The following PAK1 variants were observed in gnomAD, a reference collection of about 807,000 sequenced individuals.
PAK1 encodes the protein serine/threonine-protein kinase PAK 1.
Under a neutral mutation model 67.4 loss-of-function variants are expected in PAK1, and 29 were observed. The ratio of observed to expected loss-of-function variants is 0.43; its 90% CI spans 0.32 to 0.59. PAK1 has a LOEUF of 0.59. PAK1 is among the 20% of genes least tolerant of loss of function. The probability of loss-of-function intolerance (pLI) is 0.07; values close to 1 mark genes in which losing one functional copy is unlikely to be tolerated. For synonymous variants in PAK1, 223 were observed against 237.4 expected, an observed-to-expected ratio of 0.94 and a Z score of 0.56; for missense variants, 337 against 670.7, an observed-to-expected ratio of 0.50 and a Z score of 5.50.
At chr11:77,350,278 T>C (rs1388179205) in intron 8 of PAK1, among the ~76,000 whole-genome samples, 1 of 152,204 alleles carries the variant, frequency 6.6e-6, no homozygotes, top group African/African-American at 2.4e-5. Context: ...CTTTCAAACA[T>C]ACATGCTCCC....
intron 2 of PAK1, among the ~76,000 whole-genome samples, chr11:77,381,151 G>A (rs1336448174): frequency 7.3e-6 from 1 of 137,722 alleles, no homozygotes. Context: ...GTGTGTGTGT[G>A]TGTGTGTGTG....
rs547295126 is a variant in PAK1 at position 77,369,377 on chromosome 11, T to G, written c.477+4951A>C. 5.3e-5 allele frequency among the ~76,000 whole-genome samples: 8 copies of G among 151,594 alleles called. No individual in the cohort carries two copies. In the South Asian group the frequency reaches 1.7e-3, roughly 31 times the overall value. On this transcript the variant is annotated intron_variant, in intron 5 of 14. Coordinates refer to ENST00000356341, the MANE Select transcript of PAK1 (RefSeq NM_002576.5). Reference sequence around the variant, plus strand: ...GTCATTTATTCTCAAATTTTCTATCTTTTATATTTTATATTATTAATTCCC... The same window carrying G: ...GTCATTTATTCTCAAATTTTCTATCGTTTATATTTTATATTATTAATTCCC...
intron 1 of PAK1, among the ~76,000 whole-genome samples, chr11:77,463,316 T>C (rs1202408739): frequency 1.3e-5 from 2 of 152,092 alleles, no homozygotes; most frequent in Non-Finnish European, 2.9e-5. Flanking sequence ...AGAATCTAAA[T>C]AATGGGTATA....
chr11:77,413,937 C>T (rs539147887), intron 1 of PAK1, among the ~76,000 whole-genome samples: 9 of 152,278 alleles, frequency 5.9e-5, no homozygotes, highest in Admixed American at 4.6e-4. Context: ...ATCATAGCAA[C>T]TTATCTTACT....
Position 77,363,235 on chromosome 11 carries a change from G to A in PAK1, c.478-4218C>T, listed in dbSNP as rs78185609. 5.3e-4 allele frequency among the ~76,000 whole-genome samples: 81 copies of A among 152,242 alleles called. No homozygotes were observed. In the East Asian group the frequency reaches 0.015, roughly 28 times the overall value. On this transcript the variant is annotated intron_variant, in intron 5 of 14. Coordinates refer to ENST00000356341, the MANE Select transcript of PAK1 (RefSeq NM_002576.5). Reference sequence around the variant, plus strand: ...CTCAAGGCTCTGGGCAGCTCGGAATGATATAATGCAAACAGATTGAAAATG... The same window carrying A: ...CTCAAGGCTCTGGGCAGCTCGGAATAATATAATGCAAACAGATTGAAAATG...
the PAK1 span, among the ~76,000 whole-genome samples, chr11:77,502,246 C>G: frequency 2.0e-5 from 3 of 152,086 alleles, no homozygotes; most frequent in South Asian, 6.2e-4. Context: ...AAATATTTAT[C>G]CAGGAACTAC....
the PAK1 span, among the ~76,000 whole-genome samples, chr11:77,492,619 A>G: frequency 6.7e-6 from 1 of 149,252 alleles, no homozygotes; most frequent in Non-Finnish European, 1.5e-5. Flanking sequence ...ATAGCTCACT[A>G]TAACCTCAAA....
intron 1 of PAK1, among the ~76,000 whole-genome samples, chr11:77,421,839 T>A (rs1483731493): frequency 6.6e-6 from 1 of 152,122 alleles, no homozygotes; most frequent in African/African-American, 2.4e-5. Context: ...ATAAGAACAT[T>A]ATAATAATCA....
Position 77,432,186 on chromosome 11 carries a change from A to G in PAK1, c.-21-39645T>C, listed in dbSNP as rs534477994. On this transcript the variant is annotated intron_variant, in intron 1 of 14. Coordinates refer to ENST00000356341, the MANE Select transcript of PAK1 (RefSeq NM_002576.5). The stretch of plus-strand genomic sequence containing the variant: ...TACCCCATAATAACACAATAAAGGG[A>G]AAAAGCCATAGAATTATCTCTGTTG... Among the ~76,000 whole-genome samples the G allele has an allele frequency of 2.0e-5, 3 of 152,346 alleles. No individual in the cohort carries two copies. The South Asian group carries it at 6.2e-4, about 32-fold the overall frequency.
At chr11:77,410,672 A>C (rs552074737) in intron 1 of PAK1, among the ~76,000 whole-genome samples, 1 of 151,100 alleles carries the variant, frequency 6.6e-6, no homozygotes, top group South Asian at 2.1e-4. Flanking sequence ...GGAAGGGTGA[A>C]GGGGACGGCG....
At chr11:77,506,339 A>G in the PAK1 span, among the ~76,000 whole-genome samples, 4 of 152,186 alleles carry the variant, frequency 2.6e-5, no homozygotes, top group Non-Finnish European at 5.9e-5. Flanking sequence ...TAGGAAAGTA[A>G]GGCATAGAGA....
chr11:77,416,428 T>G (rs1318129514), intron 1 of PAK1, among the ~76,000 whole-genome samples: 2 of 152,132 alleles, frequency 1.3e-5, no homozygotes, highest in Non-Finnish European at 2.9e-5. Context: ...GTCTTTCACC[T>G]CTACATCTTG....
chr11:77,498,940 C>T, the PAK1 span, among the ~76,000 whole-genome samples: 1 of 151,794 alleles, frequency 6.6e-6, no homozygotes, highest in African/African-American at 2.4e-5. Context: ...ACCTTGTGAT[C>T]CACCCGCCTT....
chr11:77,516,838 C>CA, the PAK1 span, among the ~76,000 whole-genome samples: 52,915 of 95,232 alleles, frequency 0.56, 14,085 homozygotes, highest in South Asian at 0.61. Context: ...CCCCATCTCT[C>CA]AAAAAAAAAA....
chr11:77,502,945 A>G, the PAK1 span, among the ~76,000 whole-genome samples: 1 of 152,194 alleles, frequency 6.6e-6, no homozygotes, highest in Non-Finnish European at 1.5e-5. Flanking sequence ...CTTAATAAGC[A>G]CGTGTGATTT....
At chr11:77,489,607 C>T in the PAK1 span, among the ~76,000 whole-genome samples, 2 of 152,148 alleles carry the variant, frequency 1.3e-5, no homozygotes, top group Non-Finnish European at 2.9e-5. Flanking sequence ...CGCCGCCACG[C>T]CTGACTGGTT....
chr11:77,524,117 T>C, the PAK1 span, among the ~76,000 whole-genome samples: 4 of 152,234 alleles, frequency 2.6e-5, no homozygotes, highest in Non-Finnish European at 5.9e-5. Flanking sequence ...ATATTATTTA[T>C]GTAATTTTTC....
chr11:77,432,730 C>G (rs79629719), intron 1 of PAK1, among the ~76,000 whole-genome samples: 1 of 150,460 alleles, frequency 6.6e-6, no homozygotes, highest in East Asian at 1.9e-4. Flanking sequence ...GGAATCAACA[C>G]CAAAAAAAAA....
rs1281838650 is a variant in PAK1 at position 77,355,816 on chromosome 11, T to C, written c.624A>G (p.Pro208=). 5 of 1,613,690 alleles carry C rather than the reference T, an allele frequency of 3.1e-6. No individual in the cohort carries two copies. The highest frequency in any genetic ancestry group is 1.7e-5 in the Admixed American group (1 of 59,946). The part of the protein sequence containing the change: ...KSVYTRSVIE[P]LPVTPTRDVA... Reference sequence around the variant, plus strand: ...CGTCCCGAGTTGGAGTGACAGGAAGTGGTTCAATCACAGACCGTGTGTATA... The same window carrying C: ...CGTCCCGAGTTGGAGTGACAGGAAGCGGTTCAATCACAGACCGTGTGTATA... Residue 208 remains proline (P), a synonymous_variant, in exon 7 of 15, where the codon CCA becomes CCG. Coordinates refer to ENST00000356341, the MANE Select transcript of PAK1 (RefSeq NM_002576.5).
Sources: allele counts gnomAD v4.1 joint callset (sites outside exome capture counted in the v4.1 genomes callset), GRCh38; gene constraint gnomAD v4.1.1; transcripts MANE v1.5; gene names NCBI Gene and HGNC (gene_info 2026-07-23, HGNC 2026-07-21).